The following LRP1B variants were observed in gnomAD, a reference collection of about 807,000 sequenced individuals.
LRP1B encodes low-density lipoprotein receptor-related protein 1B.
In LRP1B, 217 loss-of-function variants were observed where a neutral mutation model predicts 556.6. The ratio of observed to expected loss-of-function variants is 0.39; its 90% CI spans 0.35 to 0.44. The LOEUF (loss-of-function observed/expected upper bound fraction) is 0.44. Ranked by LOEUF, LRP1B falls within the 20% of genes least tolerant of loss-of-function variation. The pLI, the probability that LRP1B is intolerant of heterozygous loss-of-function variation, is 1.00. For missense variants in LRP1B, 5,053 were observed against 5,620.8 expected, an observed-to-expected ratio of 0.90 and a Z score of 3.23; for synonymous variants, 2,047 against 1,865.8, an observed-to-expected ratio of 1.10 and a Z score of -2.50.
chr2:140,661,164 A>G (rs879862655), intron 41 of LRP1B, among the ~76,000 whole-genome samples: 7 of 152,166 alleles, frequency 4.6e-5, no homozygotes, highest in Non-Finnish European at 8.8e-5. Flanking sequence ...TCCAGTTTAT[A>G]TCTGAATGTT....
intron 20 of LRP1B, among the ~76,000 whole-genome samples, chr2:140,942,120 A>G (rs1695418654): frequency 2.0e-5 from 3 of 152,316 alleles, no homozygotes; most frequent in East Asian, 1.9e-4. Context: ...TAAATTGAAA[A>G]ATGTATGACA....
At chr2:140,420,885 C>T (rs779030110) in intron 66 of LRP1B, among the ~76,000 whole-genome samples, 116 of 151,994 alleles carry the variant, frequency 7.6e-4, no homozygotes, top group Non-Finnish European at 1.4e-3. Flanking sequence ...TAAATAAGTC[C>T]GTTATCTTGA....
At chr2:141,812,889 T>C (rs1696404037) in intron 1 of LRP1B, among the ~76,000 whole-genome samples, 1 of 151,746 alleles carries the variant, frequency 6.6e-6, no homozygotes, top group East Asian at 1.9e-4. Context: ...TTCAAGTATA[T>C]AGACTTAAAC....
chr2:141,395,829 G>C (rs1018318962), intron 3 of LRP1B, among the ~76,000 whole-genome samples: 1 of 152,100 alleles, frequency 6.6e-6, no homozygotes, highest in Non-Finnish European at 1.5e-5. Flanking sequence ...GAAGGAAACA[G>C]GGGAGAGATA....
chr2:141,553,975 T>C (rs1685859797), intron 2 of LRP1B, among the ~76,000 whole-genome samples: 1 of 139,118 alleles, frequency 7.2e-6, no homozygotes, highest in African/African-American at 2.6e-5. Flanking sequence ...TATATCTACA[T>C]TAATAGACAT....
intron 3 of LRP1B, among the ~76,000 whole-genome samples, chr2:141,466,845 T>C (rs1056150632): frequency 5.3e-5 from 8 of 151,728 alleles, no homozygotes; most frequent in Non-Finnish European, 8.8e-5. Flanking sequence ...TAAAATTCTG[T>C]AAAACTACTT....
At chr2:141,056,157 CAGA>C (rs747387271) in intron 9 of LRP1B, among the ~76,000 whole-genome samples, 3 of 151,716 alleles carry the variant, frequency 2.0e-5, no homozygotes, top group Non-Finnish European at 4.4e-5. Flanking sequence ...TTCTCCAAGT[CAGA>C]AGATGAGTGA....
intron 79 of LRP1B, among the ~76,000 whole-genome samples, chr2:140,328,169 A>G (rs1264318449): frequency 6.6e-6 from 1 of 152,064 alleles, no homozygotes; most frequent in Admixed American, 6.6e-5. Flanking sequence ...TTATCTGAAC[A>G]GAGGAAGATG....
At chr2:140,975,712 T>C (rs1696575602) in intron 18 of LRP1B, among the ~76,000 whole-genome samples, 1 of 152,174 alleles carries the variant, frequency 6.6e-6, no homozygotes, top group Admixed American at 6.5e-5. Context: ...CATGTCAATA[T>C]TCCACTGGAT....
Position 140,364,729 on chromosome 2 carries a change from A to G in LRP1B, c.11063T>C (p.Leu3688Pro), listed in dbSNP as rs1024964948. Reference sequence around the variant, plus strand: ...CTCTCCATCACACACCCAGAAATGTAGTTTGCAGAGAGAATTATTGCAAAG... The same window carrying G: ...CTCTCCATCACACACCCAGAAATGTGGTTTGCAGAGAGAATTATTGCAAAG... The part of the protein sequence containing the change: ...EFLCNNSLCK[L>P]HFWVCDGEDD... Residue 3688 changes from leucine (L) to proline (P), a missense_variant, in exon 72 of 91, where the codon CTA becomes CCA. Coordinates refer to ENST00000389484, the MANE Select transcript of LRP1B (RefSeq NM_018557.3). The G allele has an allele frequency of 1.2e-6, 2 of 1,610,210 alleles. No homozygotes were observed. Among genetic ancestry groups the G allele is most frequent in the African/African-American group, 2.7e-5 (2 of 74,594 alleles).
intron 3 of LRP1B, among the ~76,000 whole-genome samples, chr2:141,416,833 C>T (rs1042955989): frequency 6.6e-6 from 1 of 152,156 alleles, no homozygotes. Flanking sequence ...TGCATGCAGC[C>T]TTGACCCTCT....
chr2:141,133,399 C>G (rs1488090844), intron 7 of LRP1B, among the ~76,000 whole-genome samples: 1 of 150,916 alleles, frequency 6.6e-6, no homozygotes, highest in Non-Finnish European at 1.5e-5. Context: ...ATAATAAGAT[C>G]CTAACTTGCA....
chr2:140,967,247 G>A (rs1427147088), intron 18 of LRP1B, among the ~76,000 whole-genome samples: 4 of 151,384 alleles, frequency 2.6e-5, no homozygotes, highest in Non-Finnish European at 3.0e-5. Context: ...TCTCCTCAAA[G>A]GGGTTCTTCA....
intron 18 of LRP1B, among the ~76,000 whole-genome samples, chr2:140,957,727 G>A (rs1271066822): frequency 6.6e-6 from 1 of 151,544 alleles, no homozygotes; most frequent in East Asian, 1.9e-4. Context: ...GGCAGTAAAA[G>A]AAAGCTGGTT....
chr2:140,478,954 T>A (rs956726542), intron 59 of LRP1B, among the ~76,000 whole-genome samples: 3 of 152,138 alleles, frequency 2.0e-5, no homozygotes, highest in Admixed American at 2.0e-4. Flanking sequence ...AGACTACCTA[T>A]TGCATCTGGA....
At chr2:140,815,432 G>C (rs946391409) in intron 31 of LRP1B, among the ~76,000 whole-genome samples, 1 of 152,022 alleles carries the variant, frequency 6.6e-6, no homozygotes, top group Admixed American at 6.6e-5. Context: ...TCAACCTCCT[G>C]AGCTGCTGGA....
intron 7 of LRP1B, among the ~76,000 whole-genome samples, chr2:141,134,475 G>A (rs1446979313): frequency 6.6e-6 from 1 of 151,628 alleles, no homozygotes; most frequent in Non-Finnish European, 1.5e-5. Flanking sequence ...CATCCCCTAT[G>A]GGTACACTCC....
At chr2:141,077,188 C>G (rs558701309) in intron 7 of LRP1B, among the ~76,000 whole-genome samples, 7 of 152,274 alleles carry the variant, frequency 4.6e-5, no homozygotes, top group Non-Finnish European at 7.4e-5. Flanking sequence ...GTGGAGGTTG[C>G]AGTGAGCTGA....
chr2:140,436,243 T>G (rs1383395127), intron 66 of LRP1B, among the ~76,000 whole-genome samples: 1 of 152,160 alleles, frequency 6.6e-6, no homozygotes, highest in Non-Finnish European at 1.5e-5. Context: ...AAAAATATAC[T>G]TATTTTCATT....
Sources: allele counts gnomAD v4.1 joint callset (sites outside exome capture counted in the v4.1 genomes callset), GRCh38; gene constraint gnomAD v4.1.1; transcripts MANE v1.5; gene names NCBI Gene and HGNC (gene_info 2026-07-23, HGNC 2026-07-21).